Variants in LUC7L2 observed in about 807,000 individuals in gnomAD.
LUC7L2 encodes the protein LUC7 like 2, pre-mRNA splicing factor.
A neutral mutation model predicts 52.8 loss-of-function variants in LUC7L2; 25 were observed. The ratio of observed to expected loss-of-function variants is 0.47; its 90% CI spans 0.34 to 0.66. The LOEUF is 0.66. LUC7L2 is among the 30% of genes least tolerant of loss of function. LUC7L2 has a pLI of 0.01. For synonymous variants in LUC7L2, 144 were observed against 160.9 expected, an observed-to-expected ratio of 0.89 and a Z score of 0.80; for missense variants, 328 against 497.8, an observed-to-expected ratio of 0.66 and a Z score of 3.25.
chr7:139,408,043 T>A (rs969871891), intron 6 of LUC7L2, among the ~76,000 whole-genome samples: 12 of 152,208 alleles, frequency 7.9e-5, no homozygotes, highest in Non-Finnish European at 5.9e-5. Flanking sequence ...TTTTCATGAA[T>A]TGAGGTCTGG....
At chr7:139,390,048 G>T (rs1649582323) in intron 2 of LUC7L2, among the ~76,000 whole-genome samples, 1 of 152,122 alleles carries the variant, frequency 6.6e-6, no homozygotes, top group South Asian at 2.1e-4. Context: ...AGCTAGTGAG[G>T]AGACTAAAGT....
At chr7:139,366,597 T>C (rs1457829489) in intron 1 of LUC7L2, among the ~76,000 whole-genome samples, 1 of 152,250 alleles carries the variant, frequency 6.6e-6, no homozygotes, top group African/African-American at 2.4e-5. Context: ...TGCCGATTCA[T>C]ATACATGATG....
chr7:139,381,880 T>A (rs1401877728), intron 2 of LUC7L2, among the ~76,000 whole-genome samples: 1 of 56,996 alleles, frequency 1.8e-5, no homozygotes, highest in African/African-American at 4.8e-4. Context: ...CTGGCCTAAT[T>A]TTTTTTTTTT....
chr7:139,393,044 A>T (rs1424108080), intron 2 of LUC7L2, among the ~76,000 whole-genome samples: 1 of 152,176 alleles, frequency 6.6e-6, no homozygotes, highest in Non-Finnish European at 1.5e-5. Context: ...AGGCGGTTGA[A>T]TTACCTGAGG....
chr7:139,390,732 A>G (rs1205303054), intron 2 of LUC7L2, among the ~76,000 whole-genome samples: 2 of 151,092 alleles, frequency 1.3e-5, no homozygotes, highest in East Asian at 3.9e-4. Context: ...ATTTTTCTGT[A>G]TTTTTAGTAG....
chr7:139,417,899 G>A (rs1469114758), intron 9 of LUC7L2, among the ~76,000 whole-genome samples, 170 bp downstream of exon 9: 14 of 152,116 alleles, frequency 9.2e-5, no homozygotes, highest in Admixed American at 9.2e-4. Flanking sequence ...TGATTATATG[G>A]GTAGTTTTGA....
At chr7:139,343,792 G>A (rs1363643434) in intron 1 of LUC7L2, among the ~76,000 whole-genome samples, 2 of 151,766 alleles carry the variant, frequency 1.3e-5, no homozygotes, top group African/African-American at 4.8e-5. Flanking sequence ...AAAATTAGCC[G>A]GATATGGTGG....
At chr7:139,369,649 T>A (rs11768023) in intron 1 of LUC7L2, among the ~76,000 whole-genome samples, 43,585 of 152,114 alleles carry the variant, frequency 0.29, 7,004 homozygotes, top group African/African-American at 0.42. Context: ...TTCATTCTTA[T>A]AATCTTGTGA....
At chr7:139,350,681 C>CTT (rs1176166251) in intron 1 of LUC7L2, among the ~76,000 whole-genome samples, 1 of 126,348 alleles carries the variant, frequency 7.9e-6, no homozygotes, top group Non-Finnish European at 1.7e-5. Context: ...CCACATTCTT[C>CTT]TTTTTTTTTT....
chr7:139,415,817 T>TAA (rs1795571879), intron 8 of LUC7L2, among the ~76,000 whole-genome samples: 1 of 151,838 alleles, frequency 6.6e-6, no homozygotes, highest in Non-Finnish European at 1.5e-5. Context: ...ATACTCTTTT[T>TAA]AAGTGTGGCT....
At chr7:139,358,117 C>A (rs1799664204), upstream of LUC7L2, among the ~76,000 whole-genome samples, 1 of 152,178 alleles carries the variant, frequency 6.6e-6, no homozygotes, top group Admixed American at 6.5e-5. Flanking sequence ...AAGTGATTCT[C>A]CTGCCTCAGC....
rs538292062 is a variant in LUC7L2, at chr7:139,349,624, C to A, written c.-26+9107C>A. 1.7e-4 allele frequency among the ~76,000 whole-genome samples: 26 copies of A among 150,516 alleles called. No individual in the cohort carries two copies. In the East Asian group the frequency reaches 3.0e-3, roughly 17 times the overall value. ...TTTAATGTCAACTGCTCCCCCCCCCCCCACCGGATTTTCCTTTAATAGTAC... is the reference window on the plus strand; with the variant it reads ...TTTAATGTCAACTGCTCCCCCCCCCACCACCGGATTTTCCTTTAATAGTAC... On this transcript the variant is annotated intron_variant, in intron 1 of 10. Coordinates refer to the LUC7L2 transcript ENST00000541170.
At chr7:139,408,841 CAAAAA>C (rs564827916) in intron 6 of LUC7L2, among the ~76,000 whole-genome samples, 4 of 86,954 alleles carry the variant, frequency 4.6e-5, no homozygotes, top group Non-Finnish European at 7.2e-5. Context: ...GACTCTGTCT[CAAAAA>C]AAAAAAAAAA....
At chr7:139,365,135 A>G (rs1240252043) in intron 1 of LUC7L2, among the ~76,000 whole-genome samples, 8 of 152,350 alleles carry the variant, frequency 5.3e-5, no homozygotes, top group Non-Finnish European at 2.9e-5. Flanking sequence ...GCACCTGCAT[A>G]GTGAATCAAT....
chr7:139,374,973 A>C (rs1300741344), intron 1 of LUC7L2: 1 of 986,082 alleles, frequency 1.0e-6, no homozygotes, highest in Admixed American at 6.1e-5. Context: ...AGGTATTTAT[A>C]TCTCTTTTGG....
chr7:139,352,777 G>A (rs1799494474), intron 1 of LUC7L2, among the ~76,000 whole-genome samples: 1 of 152,238 alleles, frequency 6.6e-6, no homozygotes, highest in Admixed American at 6.5e-5. Flanking sequence ...GGATTATGTG[G>A]TGGGAAAAGA....
At chr7:139,387,521 C>T (rs958197264) in intron 2 of LUC7L2, among the ~76,000 whole-genome samples, 7 of 151,978 alleles carry the variant, frequency 4.6e-5, no homozygotes, top group Admixed American at 4.6e-4. Flanking sequence ...TACGAGAGCT[C>T]TTGTTTCCTG....
At chr7:139,367,235 G>A (rs1158453592) in intron 1 of LUC7L2, among the ~76,000 whole-genome samples, 2 of 152,108 alleles carry the variant, frequency 1.3e-5, no homozygotes, top group Non-Finnish European at 2.9e-5. Flanking sequence ...GCCTCCCAAA[G>A]TGCTGGTATT....
chr7:139,409,978 C>T (rs1046399567), intron 7 of LUC7L2, among the ~76,000 whole-genome samples: 21 of 152,070 alleles, frequency 1.4e-4, no homozygotes, highest in Non-Finnish European at 2.8e-4. Flanking sequence ...GAGGCCGAGG[C>T]GGGTGGATCA....
Sources: gnomAD v4.1 joint callset for allele counts (sites outside exome capture counted in the v4.1 genomes callset) on GRCh38, gnomAD v4.1.1 for gene constraint, MANE v1.5 for transcripts, NCBI Gene and HGNC (gene_info 2026-07-23, HGNC 2026-07-21) for gene names.